EXOC4: variants seen among roughly 807,000 people sequenced by gnomAD.
EXOC4 encodes the protein exocyst complex component 4, also known as SEC8-like 1.
EXOC4 carries 71 observed loss-of-function variants against 107.2 expected under a neutral mutation model. That is an observed-to-expected ratio of 0.66 (90% CI 0.55 to 0.81). The LOEUF is 0.81. Ranked by LOEUF, EXOC4 falls within the 30% of genes least tolerant of loss-of-function variation. The pLI is 0.00. For synonymous variants in EXOC4, 456 were observed against 441.2 expected (o/e 1.03, Z -0.42); for missense variants, 1,108 against 1,189.6 (o/e 0.93, Z 1.01).
chr7:133,749,489 T>G (rs1795745308), intron 10 of EXOC4, among the ~76,000 whole-genome samples: 1 of 151,986 alleles, frequency 6.6e-6, no homozygotes. Flanking sequence ...ACCTCCCAGG[T>G]TCAAGTGATT....
intron 9 of EXOC4, among the ~76,000 whole-genome samples, chr7:133,572,343 T>C (rs1282044807): frequency 2.0e-5 from 3 of 152,128 alleles, no homozygotes; most frequent in African/African-American, 4.8e-5. Context: ...ACAGTAAATC[T>C]GAATCATAGT....
At chr7:133,789,233 A>C (rs867328816) in intron 10 of EXOC4, among the ~76,000 whole-genome samples, 1 of 152,198 alleles carries the variant, frequency 6.6e-6, no homozygotes, top group East Asian at 1.9e-4. Flanking sequence ...ACCAGCATCT[A>C]TTCCGGAAAT....
chr7:133,852,272 G>A (rs1353284516), intron 11 of EXOC4, among the ~76,000 whole-genome samples: 2 of 151,106 alleles, frequency 1.3e-5, no homozygotes, highest in South Asian at 4.2e-4. Context: ...ACCCAGGCTG[G>A]AATGCAGTGG....
chr7:133,469,828 C>T (rs1042363148), intron 7 of EXOC4, among the ~76,000 whole-genome samples: 1 of 152,136 alleles, frequency 6.6e-6, no homozygotes, highest in Non-Finnish European at 1.5e-5. Flanking sequence ...CTTTATTCTC[C>T]CTCTGCGGAT....
chr7:133,883,850 T>A (rs1016732018), intron 11 of EXOC4, among the ~76,000 whole-genome samples: 3 of 152,198 alleles, frequency 2.0e-5, no homozygotes, highest in African/African-American at 7.2e-5. Context: ...GCAAGTCATC[T>A]TAGTAAAAAC....
intron 17 of EXOC4, among the ~76,000 whole-genome samples, chr7:134,024,459 A>T (rs1257692732): frequency 6.6e-6 from 1 of 151,976 alleles, no homozygotes; most frequent in Non-Finnish European, 1.5e-5. Context: ...TCAAAAAAAA[A>T]AAAGAAGCTA....
rs898448586 is a variant in EXOC4 at position 133,721,209 on chromosome 7, A to T, written c.1514+91068A>T. ...TTATGAAAAAATCTGTGTTTTGCACATTTATCAGCAATGGCATTACCTTGC... is the reference window on the plus strand; with the variant it reads ...TTATGAAAAAATCTGTGTTTTGCACTTTTATCAGCAATGGCATTACCTTGC... On this transcript the variant is annotated intron_variant, in intron 10 of 17. Coordinates refer to ENST00000253861, the MANE Select transcript of EXOC4 (RefSeq NM_021807.4). 2.6e-5 allele frequency among the ~76,000 whole-genome samples: 4 copies of T among 152,178 alleles called. 1 individual carries two copies. In the South Asian group the frequency reaches 6.2e-4, roughly 24 times the overall value.
intron 17 of EXOC4, among the ~76,000 whole-genome samples, chr7:134,055,299 C>T (rs1333579609): frequency 6.6e-6 from 1 of 152,150 alleles, no homozygotes; most frequent in East Asian, 1.9e-4. Context: ...GCAGTCCTTG[C>T]GTCTTAAGAC....
chr7:133,743,584 T>C (rs1407079819), intron 10 of EXOC4, among the ~76,000 whole-genome samples: 1 of 152,160 alleles, frequency 6.6e-6, no homozygotes, highest in Non-Finnish European at 1.5e-5. Context: ...GCGAATGGAT[T>C]TCTCCCCAAA....
intron 9 of EXOC4, among the ~76,000 whole-genome samples, chr7:133,490,144 G>C (rs1208490674): frequency 2.0e-5 from 3 of 152,184 alleles, no homozygotes; most frequent in African/African-American, 7.2e-5. Flanking sequence ...GACAGAGGGG[G>C]CCTGGGTTTC....
At chr7:133,701,558 G>A (rs1585088733) in intron 10 of EXOC4, among the ~76,000 whole-genome samples, 1 of 152,038 alleles carries the variant, frequency 6.6e-6, no homozygotes, top group African/African-American at 2.4e-5. Context: ...TATACACTGT[G>A]TTTTTTCCTA....
chr7:133,283,376 G>T (rs1794203016), intron 2 of EXOC4, among the ~76,000 whole-genome samples: 2 of 152,132 alleles, frequency 1.3e-5, no homozygotes, highest in Admixed American at 6.5e-5. Context: ...TGCCCAAACA[G>T]ATTTCCTTCT....
intron 13 of EXOC4, among the ~76,000 whole-genome samples, chr7:133,928,922 C>CTTTTTTT (rs71162044): frequency 3.7e-5 from 3 of 82,016 alleles, no homozygotes; most frequent in Admixed American, 1.4e-4. Flanking sequence ...ACAGTAGTAC[C>CTTTTTTT]TTTTTTTTTT....
intron 2 of EXOC4, among the ~76,000 whole-genome samples, chr7:133,283,573 A>AT (rs1464351657): frequency 6.6e-6 from 1 of 152,008 alleles, no homozygotes; most frequent in Admixed American, 6.6e-5. Flanking sequence ...CTATTTTTTA[A>AT]TTTTTTGAGG....
chr7:133,704,842 T>C (rs980644125), intron 10 of EXOC4, among the ~76,000 whole-genome samples: 1 of 152,312 alleles, frequency 6.6e-6, no homozygotes, highest in African/African-American at 2.4e-5. Context: ...TGGCATCAGG[T>C]GATGCTCAGA....
At chr7:133,278,060 T>C (rs1329212659) in intron 2 of EXOC4, among the ~76,000 whole-genome samples, 3 of 152,212 alleles carry the variant, frequency 2.0e-5, no homozygotes, top group Admixed American at 6.5e-5. Context: ...TAAGGATTCA[T>C]GCAGCAAATA....
chr7:133,584,576 TTTTTTTTTG>T (rs1158180305), intron 9 of EXOC4, among the ~76,000 whole-genome samples: 10 of 132,630 alleles, frequency 7.5e-5, no homozygotes, highest in Non-Finnish European at 1.3e-4. Flanking sequence ...GTATTTCAGT[TTTTTTTTTG>T]TTTTTTTTTT....
At chr7:133,830,192 C>T (rs1397976327) in intron 11 of EXOC4, among the ~76,000 whole-genome samples, 1 of 152,228 alleles carries the variant, frequency 6.6e-6, no homozygotes, top group African/African-American at 2.4e-5. Context: ...ATTGCTTCTT[C>T]CTTTTTTTTC....
At chr7:133,845,680 T>C (rs1798112856) in intron 11 of EXOC4, among the ~76,000 whole-genome samples, 1 of 152,152 alleles carries the variant, frequency 6.6e-6, no homozygotes, top group Non-Finnish European at 1.5e-5. Context: ...CAGCCTATCT[T>C]GATACCTGCT....
Sources: gnomAD v4.1 joint callset for allele counts (sites outside exome capture counted in the v4.1 genomes callset) on GRCh38, gnomAD v4.1.1 for gene constraint, MANE v1.5 for transcripts, NCBI Gene and HGNC (gene_info 2026-07-23, HGNC 2026-07-21) for gene names.